Variants in SLC26A3 observed in about 807,000 individuals in gnomAD.
SLC26A3 encodes the protein chloride anion exchanger.
Under a neutral mutation model 85.6 loss-of-function variants are expected in SLC26A3, and 64 were observed. The observed-to-expected ratio is 0.75, with a 90% confidence interval of 0.61 to 0.92. The LOEUF (loss-of-function observed/expected upper bound fraction) is 0.92, where lower values mean the gene tolerates loss of function less well. Ranked by LOEUF, SLC26A3 falls within the 40% of genes least tolerant of loss-of-function variation. The pLI is 0.00. For synonymous variants in SLC26A3, 349 were observed against 336.0 expected (o/e 1.04, Z -0.42); for missense variants, 922 against 927.3 (o/e 0.99, Z 0.07).
At chr7:107,782,931 C>T in intron 10 of SLC26A3, 49 bp downstream of exon 10, 2 of 1,613,102 alleles carry the variant, frequency 1.2e-6, no homozygotes, top group South Asian at 2.2e-5. Context: ...GCTTGAATTT[C>T]CTAGTTACTA....
intron 1 of SLC26A3, among the ~76,000 whole-genome samples, chr7:107,800,010 C>T (rs2115909732): frequency 6.6e-6 from 1 of 152,316 alleles, no homozygotes; most frequent in South Asian, 2.1e-4. Flanking sequence ...GCTATCCGAG[C>T]TTCCTAGAAT....
rs373615124 is a variant in SLC26A3, at chr7:107,776,431, TTAAA to T, written c.1677+17_1677+20del. 89 of 1,589,318 alleles carry T rather than the reference TTAAA, an allele frequency of 5.6e-5. No homozygotes were observed. In the African/African-American group the frequency reaches 8.6e-4, roughly 15 times the overall value. ...TTCAGTAAGATTACAAGGAAAAAAA[TTAAA>T]TAACCCCAAACCTTACAGCATCGAT... is the stretch of plus-strand genomic sequence containing the variant. On this transcript the variant is annotated intron_variant, in intron 15 of 20. Coordinates refer to ENST00000340010, the MANE Select transcript of SLC26A3 (RefSeq NM_000111.3).
At chr7:107,776,586 C>A (rs891117202) in intron 14 of SLC26A3, 42 bp from the exon 15 acceptor site, 2 of 1,606,674 alleles carry the variant, frequency 1.2e-6, no homozygotes, top group African/African-American at 1.3e-5. Flanking sequence ...CCCATTAGAT[C>A]CATAGTTAAT....
At chr7:107,771,957 A>C (rs1794036283) in intron 18 of SLC26A3, 97 bp downstream of exon 18, 1 of 822,860 alleles carries the variant, frequency 1.2e-6, no homozygotes, top group Admixed American at 1.8e-5. Flanking sequence ...TCATGATTAT[A>C]TAAAATACTC....
intron 8 of SLC26A3, 137 bp from the exon 9 acceptor site, chr7:107,783,489 T>C (rs1401565277): frequency 5.7e-5 from 58 of 1,024,626 alleles, no homozygotes; most frequent in Non-Finnish European, 8.1e-5. Flanking sequence ...AGAATTTAGC[T>C]CCACTAACAA....
Position 107,767,786 on chromosome 7 carries a change from A to T in SLC26A3, c.2185T>A (p.Ser729Thr). Residue 729 changes from serine to threonine, a missense_variant, in exon 19 of 21, where the codon TCA becomes ACA. Ser to Thr is a moderately conservative substitution (Grantham distance 58, BLOSUM62 1). Transcript: ENST00000340010. ...HILMKKDYST[S>T]KFNPSQEKDG... is the part of the protein sequence containing the mutation. ...GATACCTGACTGGGATTAAACTTTG[A>T]AGTACTGTAATCTTTCTTCATCAAA... The T allele has an allele frequency of 1.2e-6, 2 of 1,613,930 alleles. No individual in the cohort carries two copies. Among genetic ancestry groups the T allele is most frequent in the Non-Finnish European group, 1.7e-6 (2 of 1,179,870 alleles).
chr7:107,789,435 C>G (rs1350806172), intron 6 of SLC26A3, 89 bp downstream of exon 6: 5 of 1,324,122 alleles, frequency 3.8e-6, no homozygotes, highest in Non-Finnish European at 5.4e-6. Context: ...AGGTAAACCC[C>G]ATGGCAAAGG....
At position 107,791,797 on chromosome 7, in the gene SLC26A3, T is replaced by A. The variant is rs117729833; in HGVS notation, c.382+33A>T. ...AATAAAATTCATAAGGAAAAAACAA[T>A]GTGAGCATTAATCAGCTCAGTAACT... On this transcript the variant is annotated intron_variant, in intron 4 of 20. Coordinates refer to ENST00000340010, the MANE Select transcript of SLC26A3 (RefSeq NM_000111.3). 7 of 1,303,910 alleles carry A rather than the reference T, an allele frequency of 5.4e-6. No homozygotes were observed. The East Asian group carries it at 1.6e-4, about 30-fold the overall frequency. The allele number at this position is 1,303,910 out of a possible 1,614,324, so 80.8% of individuals were successfully genotyped here.
intron 6 of SLC26A3, among the ~76,000 whole-genome samples, chr7:107,788,329 T>C (rs539870233): frequency 1.3e-5 from 2 of 152,334 alleles, no homozygotes; most frequent in South Asian, 4.1e-4. Flanking sequence ...TTAAAAGCTT[T>C]ACCATTTTGT....
At position 107,787,513 on chromosome 7, in the gene SLC26A3, C is replaced by A; in HGVS notation, c.736-4G>T. ...GTGAGAATACAGAGTATAGTACCTACAATTATAAAAACAAAAACCACCAAA... is the reference window on the plus strand; with the variant it reads ...GTGAGAATACAGAGTATAGTACCTAAAATTATAAAAACAAAAACCACCAAA... On this transcript the variant is annotated splice_region_variant and splice_polypyrimidine_tract_variant and intron_variant, in intron 6 of 20. Coordinates refer to ENST00000340010, the MANE Select transcript of SLC26A3 (RefSeq NM_000111.3). 6.2e-7 allele frequency: 1 copy of A among 1,611,710 alleles called. No individual in the cohort carries two copies. The highest frequency in any genetic ancestry group is 8.5e-7 in the Non-Finnish European group (1 of 1,179,088).
intron 5 of SLC26A3, 92 bp downstream of exon 5, chr7:107,790,956 G>C: frequency 7.6e-7 from 1 of 1,319,278 alleles, no homozygotes; most frequent in Non-Finnish European, 1.1e-6. Flanking sequence ...GGGAAGATGG[G>C]GAGGAGTGGC....
rs1349213005 is a variant in SLC26A3 at position 107,791,135 on chromosome 7, G to A, written c.483C>T (p.Asn161=). The part of the protein sequence containing the change: ...DRNATTLGLP[N]NSNNSSLLDD... ...CCAGTAGTGAAGAATTATTCGAGTTGTTAGGCAATCCCAAAGTAGTTGCAT... is the reference window on the plus strand; with the variant it reads ...CCAGTAGTGAAGAATTATTCGAGTTATTAGGCAATCCCAAAGTAGTTGCAT... Residue 161 remains asparagine (N), a synonymous_variant, in exon 5 of 21, where the codon AAC becomes AAT. Coordinates refer to ENST00000340010, the MANE Select transcript of SLC26A3 (RefSeq NM_000111.3). 6.2e-7 allele frequency: 1 copy of A among 1,614,096 alleles called. No individual in the cohort carries two copies. The highest frequency in any genetic ancestry group is 2.2e-5 in the East Asian group (1 of 44,898).
chr7:107,768,476 A>G lies in SLC26A3; in HGVS notation c.2063-568T>C, dbSNP rs1218294171. On this transcript the variant is annotated intron_variant, in intron 18 of 20. Coordinates refer to ENST00000340010, the MANE Select transcript of SLC26A3 (RefSeq NM_000111.3). ...AACCAACTATTACCTTATGTCTGCC[A>G]TGTGCAAAACTCTGGCTGAGTAATA... 3.3e-5 allele frequency among the ~76,000 whole-genome samples: 5 copies of G among 152,248 alleles called. No homozygotes were observed. In the East Asian group the frequency reaches 9.6e-4, roughly 29 times the overall value.
intron 11 of SLC26A3, 48 bp from the exon 12 acceptor site, chr7:107,779,811 C>G: frequency 4.0e-6 from 6 of 1,503,866 alleles, no homozygotes; most frequent in Non-Finnish European, 5.5e-6. Context: ...ATGAAATAAA[C>G]CACAGGGAAG....
chr7:107,783,470 T>C, intron 8 of SLC26A3, 118 bp from the exon 9 acceptor site: 3 of 1,225,924 alleles, frequency 2.4e-6, no homozygotes, highest in East Asian at 2.4e-5. Flanking sequence ...CTTTGGAGTA[T>C]GATTAACGAG....
At chr7:107,800,192 A>G (rs1202739427) in intron 1 of SLC26A3, among the ~76,000 whole-genome samples, 1 of 152,156 alleles carries the variant, frequency 6.6e-6, no homozygotes, top group Non-Finnish European at 1.5e-5. Flanking sequence ...ATTCCAATTC[A>G]TTCTTAAAAA....
chr7:107,785,839 A>T (rs1209082639), intron 8 of SLC26A3, among the ~76,000 whole-genome samples: 2 of 152,238 alleles, frequency 1.3e-5, no homozygotes, highest in Non-Finnish European at 1.5e-5. Context: ...ATAAATGCTG[A>T]TTTCTCGAAT....
intron 1 of SLC26A3, among the ~76,000 whole-genome samples, chr7:107,801,414 A>G (rs1327813983): frequency 6.6e-6 from 1 of 152,102 alleles, no homozygotes; most frequent in Non-Finnish European, 1.5e-5. Context: ...ACAAAACATG[A>G]GCCTGGTGGC....
intron 12 of SLC26A3, among the ~76,000 whole-genome samples, chr7:107,778,919 A>G (rs1794173937): frequency 6.6e-6 from 1 of 152,070 alleles, no homozygotes; most frequent in Non-Finnish European, 1.5e-5. Flanking sequence ...TGAGCCCAGG[A>G]GTTTGAGGTT....
Sources: gnomAD v4.1 joint callset for allele counts (sites outside exome capture counted in the v4.1 genomes callset) on GRCh38, gnomAD v4.1.1 for gene constraint, MANE v1.5 for transcripts, NCBI Gene and HGNC (gene_info 2026-07-23, HGNC 2026-07-21) for gene names.